The following PNKP variants were observed in gnomAD, a reference collection of about 807,000 sequenced individuals.
The protein encoded by PNKP is polynucleotide kinase 3'-phosphatase.
Under a neutral mutation model 66.2 loss-of-function variants are expected in PNKP, and 82 were observed. The observed-to-expected ratio is 1.24, with a 90% CI of 1.04 to 1.49. The LOEUF (loss-of-function observed/expected upper bound fraction) is 1.49, where lower values mean the gene tolerates loss of function less well. PNKP is among the 40% of genes most tolerant of loss of function. PNKP has a pLI of 0.00. For missense variants in PNKP, 907 were observed against 706.8 expected (o/e 1.28, Z -3.21); for synonymous variants, 412 against 298.9 (o/e 1.38, Z -3.90).
chr19:49,864,535 A>ACAGAG (rs1217819944), intron 4 of PNKP, 132 bp from the exon 5 acceptor site: 3 of 757,786 alleles, frequency 4.0e-6, no homozygotes, highest in Admixed American at 1.9e-5. Flanking sequence ...AAACCGAGTC[A>ACAGAG]CAGAGCACCT....
intron 2 of PNKP, chr19:49,866,817 C>T: frequency 3.3e-6 from 2 of 605,646 alleles, no homozygotes; most frequent in South Asian, 3.9e-5. Flanking sequence ...TCCCGATGGC[C>T]TGAGCATCAT....
Position 49,861,789 on chromosome 19 carries a change from G to A in PNKP, c.1281C>T (p.Asp427=), listed in dbSNP as rs770775129. The change falls in exon 14 of 17, where the codon GAC becomes GAT. Residue 427 remains aspartate, a synonymous_variant. Coordinates refer to ENST00000322344, the MANE Select transcript of PNKP (RefSeq NM_007254.4). ...KRVAIDNTNP[D]AASRARYVQC... ...CACGCTACCTGGCGCGGCTCGCGGC[G>A]TCTGGGTTTGTGTTGTCGATGGCGA... 322 of 1,566,638 alleles carry A rather than the reference G, an allele frequency of 2.1e-4. No individual in the cohort carries two copies. The highest frequency in any genetic ancestry group is 4.0e-4 in the Admixed American group (21 of 52,498).
Position 49,861,206 on chromosome 19 carries a change from A to T in PNKP, c.*42T>A, listed in dbSNP as rs115649718. 7.2e-7 allele frequency: 1 copy of T among 1,380,278 alleles called. No homozygotes were observed. Among genetic ancestry groups the T allele is most frequent in the Non-Finnish European group, 1.0e-6 (1 of 967,998 alleles). 85.5% of individuals were successfully genotyped at this position (1,380,278 alleles called of 1,614,324 possible). On this transcript the variant is annotated 3_prime_UTR_variant, in exon 17 of 17. Transcript: ENST00000322344. ...TTCCAGCAAAATGCCGGCCAAGCTC[A>T]AGGAGAAACAGCGTTTATTGTGGAG...
At chr19:49,866,904 C>A in intron 2 of PNKP, 150 bp downstream of exon 2, 1 of 826,276 alleles carries the variant, frequency 1.2e-6, no homozygotes, top group South Asian at 1.4e-5. Flanking sequence ...AAATCAAGCA[C>A]AAACTTTATC....
chr19:49,863,100 G>GCTTAGAGCCAGC lies in PNKP; in HGVS notation c.817-374_817-363dup, dbSNP rs1440064957. 3.3e-5 allele frequency among the ~76,000 whole-genome samples: 5 copies of GCTTAGAGCCAGC among 152,078 alleles called. No individual in the cohort carries two copies. In the East Asian group the frequency reaches 9.7e-4, roughly 29 times the overall value. On this transcript the variant is annotated intron_variant, in intron 8 of 16. Coordinates refer to ENST00000322344, the MANE Select transcript of PNKP (RefSeq NM_007254.4). ...GTGGCCCTGCCCTCTCCCCTCCCTC[G>GCTTAGAGCCAGC]CTTAGAGCCAGCCGCATGGGCCTCG...
rs868384150 is a variant in PNKP at position 49,861,838 on chromosome 19, G to A, written c.1232C>T (p.Thr411Ile). The stretch of plus-strand genomic sequence containing the variant: ...GACCCGTTTCCCTTGCTTCAGGGCT[G>A]TCTCACACGTGGTCACACAGCGCTG... ...SWQRCVTTCE[T>I]ALKQGKRVAI... Residue 411 changes from threonine (T) to isoleucine (I), a missense_variant, in exon 14 of 17, where the codon ACA (threonine) becomes ATA (isoleucine). Transcript: ENST00000322344. The A allele has an allele frequency of 1.9e-6, 3 of 1,593,002 alleles. No homozygotes were observed. Among genetic ancestry groups the A allele is most frequent in the Admixed American group, 1.7e-5 (1 of 57,332 alleles).
rs766026186 is a variant in PNKP, at chr19:49,861,655, A to C, written c.1339T>G (p.Cys447Gly). 2 of 1,551,378 alleles carry C rather than the reference A, an allele frequency of 1.3e-6. No homozygotes were observed. Among genetic ancestry groups the C allele is most frequent in the Non-Finnish European group, 1.7e-6 (2 of 1,147,454 alleles). ...TCCAGAGTGGCGGTGAAGAGGAAGC[A>C]GCGGCAGGGGACGCCCGCGGCTCGG... The part of the protein sequence containing the change: ...CARAAGVPCR[C>G]FLFTATLEQA... Residue 447 changes from cysteine (C) to glycine (G), a missense_variant, in exon 15 of 17, where the codon TGC (cysteine) becomes GGC (glycine). Transcript: ENST00000322344.
Position 49,861,970 on chromosome 19 carries a change from G to A in PNKP, c.1188+74C>T, listed in dbSNP as rs555353376. On this transcript the variant is annotated intron_variant, in intron 13 of 16. Transcript: ENST00000322344. Reference sequence around the variant, plus strand: ...GACGGGGAGGCAATGATGGAGGAAAGCCGCCCCAAACCAGTTGAGAGGTGG... The same window carrying A: ...GACGGGGAGGCAATGATGGAGGAAAACCGCCCCAAACCAGTTGAGAGGTGG... 5,377 of 1,596,366 alleles carry A rather than the reference G, an allele frequency of 3.4e-3. 16 individuals carry two copies. Among genetic ancestry groups the A allele is most frequent in the Non-Finnish European group, 4.2e-3 (4,864 of 1,164,548 alleles).
intron 5 of PNKP, 39 bp from the exon 6 acceptor site, chr19:49,864,275 A>T: frequency 6.2e-7 from 1 of 1,611,940 alleles, no homozygotes; most frequent in Non-Finnish European, 8.5e-7. Flanking sequence ...ACCCGGGGCC[A>T]GAGGTGGACT....
At position 49,861,595 on chromosome 19, in the gene PNKP, T is replaced by G; in HGVS notation, c.1386+13A>C. ...GGTGCAGCCCGGGGGGTGTCCGGGC[T>G]GAGCGGGCTCACCCGGTTGTTGTGG... On this transcript the variant is annotated intron_variant, in intron 15 of 16. Coordinates refer to ENST00000322344, the MANE Select transcript of PNKP (RefSeq NM_007254.4). The G allele has an allele frequency of 6.4e-7, 1 of 1,560,028 alleles. No homozygotes were observed. The highest frequency in any genetic ancestry group is 8.7e-7 in the Non-Finnish European group (1 of 1,153,160).
chr19:49,861,230 A>C lies in PNKP; in HGVS notation c.*18T>G, dbSNP rs2074751448. On this transcript the variant is annotated 3_prime_UTR_variant, in exon 17 of 17. Coordinates refer to ENST00000322344, the MANE Select transcript of PNKP (RefSeq NM_007254.4). ...CAAGGAGAAACAGCGTTTATTGTGG[A>C]GGGGAGCTGGGCGGGGCTCAGCCCT... 2 of 1,493,316 alleles carry C rather than the reference A, an allele frequency of 1.3e-6. No individual in the cohort carries two copies. The highest frequency in any genetic ancestry group is 9.3e-7 in the Non-Finnish European group (1 of 1,070,380). The allele number at this position is 1,493,316 out of a possible 1,614,324, so 92.5% of individuals were successfully genotyped here. A position where few individuals can be genotyped will look rare whatever the true frequency, so the allele number is the denominator to read the frequency against.
intron 8 of PNKP, among the ~76,000 whole-genome samples, chr19:49,862,988 G>A (rs1210178685): frequency 6.6e-6 from 1 of 151,950 alleles, no homozygotes. Flanking sequence ...GCCACCGGAG[G>A]GCACCCACCC....
rs765136807 is a variant in PNKP, at chr19:49,865,112, C to T, written c.498+15G>A. 20 of 1,611,058 alleles carry T rather than the reference C, an allele frequency of 1.2e-5. No homozygotes were observed. The South Asian group carries it at 1.4e-4, about 12-fold the overall frequency. ...AGTCTGTGGCGGCTCCCTCAGCCCT[C>T]GGCGTGGCCCTCACCTTGCCCTGGG... On this transcript the variant is annotated intron_variant, in intron 4 of 16. Transcript: ENST00000322344.
chr19:49,866,835 G>A (rs2122344007), intron 2 of PNKP: 2 of 617,916 alleles, frequency 3.2e-6, no homozygotes, highest in East Asian at 2.8e-5. Context: ...CATCCGCGCA[G>A]TGAACATCCT....
At chr19:49,865,601 CTT>C (rs749242089) in intron 3 of PNKP, 175 bp from the exon 4 acceptor site, 9,688 of 309,334 alleles carry the variant, frequency 0.031, 1 homozygote, top group East Asian at 0.039. Context: ...TTGTCCGAAT[CTT>C]TTTTTTTTTT....
In PNKP at chr19:49,862,265, G is replaced by A. The variant is rs758045226; in HGVS notation, c.1046C>T (p.Ser349Leu). 2.5e-6 allele frequency: 4 copies of A among 1,603,040 alleles called. No homozygotes were observed. The highest frequency in any genetic ancestry group is 3.5e-5 in the Admixed American group (2 of 57,948). ...GGACTCGGGGAGGCAGAGAGGCCCT[G>A]AGCGGGAGACAGTCCTCTGCGAGGG... ...PAFDPRTVSR[S>L]GPLCLPESRA... Residue 349 changes from serine (S) to leucine (L), a missense_variant, in exon 12 of 17, where the codon TCA becomes TTA. By Grantham distance (145) the Ser-to-Leu change is moderately radical. Transcript: ENST00000322344.
At chr19:49,863,018 G>T (rs3739195) in intron 8 of PNKP, among the ~76,000 whole-genome samples, 2 of 151,922 alleles carry the variant, frequency 1.3e-5, no homozygotes, top group African/African-American at 2.4e-5. Flanking sequence ...TCCAGCCTCC[G>T]GCGTGCCGGC....
Position 49,862,541 on chromosome 19 carries a change from G to C in PNKP, c.933C>G (p.Arg311=), listed in dbSNP as rs755200425. ...RKKKDFSCAD[R]LFALNLGLPF... ...GGGCAGGGGGCAGGGGCCTCACCAG[G>C]CGATCGGCGCAGGAGAAGTCTTTCT... Residue 311 remains arginine, a synonymous_variant, in exon 10 of 17, where the codon CGC becomes CGG. Transcript: ENST00000322344. The C allele has an allele frequency of 1.1e-5, 17 of 1,609,736 alleles. No homozygotes were observed. The highest frequency in any genetic ancestry group is 5.5e-5 in the South Asian group (5 of 90,572).
At chr19:49,866,576 G>A in intron 2 of PNKP, 131 bp from the exon 3 acceptor site, 1 of 859,160 alleles carries the variant, frequency 1.2e-6, no homozygotes, top group Non-Finnish European at 2.0e-6. Flanking sequence ...CATGGGATTG[G>A]CTCCTTGACA....
Sources: allele counts gnomAD v4.1 joint callset (sites outside exome capture counted in the v4.1 genomes callset), GRCh38; gene constraint gnomAD v4.1.1; transcripts MANE v1.5; gene names NCBI Gene and HGNC (gene_info 2026-07-23, HGNC 2026-07-21).